Variants in PITPNC1 observed in about 807,000 individuals in gnomAD.
The protein encoded by PITPNC1 is cytoplasmic phosphatidylinositol transfer protein 1.
A neutral mutation model predicts 44.7 loss-of-function variants in PITPNC1; 18 were observed. The ratio of observed to expected loss-of-function variants is 0.40; its 90% CI spans 0.28 to 0.60. The LOEUF (loss-of-function observed/expected upper bound fraction) is 0.60. Among genes scored for constraint, PITPNC1 ranks in the 20% least tolerant of loss-of-function variants. PITPNC1 has a pLI of 0.39. For missense variants in PITPNC1, 290 were observed against 418.4 expected (o/e 0.69, Z 2.68); for synonymous variants, 141 against 149.6 (o/e 0.94, Z 0.42).
At chr17:67,543,565 A>AAT (rs2144148158) in intron 2 of PITPNC1, among the ~76,000 whole-genome samples, 1 of 152,200 alleles carries the variant, frequency 6.6e-6, no homozygotes, top group Non-Finnish European at 1.5e-5. Flanking sequence ...TCTAGTGACT[A>AAT]ATGTTGACCG....
intron 6 of PITPNC1, among the ~76,000 whole-genome samples, chr17:67,652,250 G>T (rs1001899542): frequency 1.3e-5 from 2 of 152,174 alleles, no homozygotes; most frequent in African/African-American, 4.8e-5. Context: ...TGCAAGCTCA[G>T]CCCCAGCTGG....
chr17:67,523,244 A>T (rs2040350842), intron 1 of PITPNC1, among the ~76,000 whole-genome samples: 1 of 152,200 alleles, frequency 6.6e-6, no homozygotes, highest in South Asian at 2.1e-4. Flanking sequence ...ACTACCGTCT[A>T]ATGAAATTTT....
chr17:67,605,725 T>C (rs2041599447), intron 5 of PITPNC1, among the ~76,000 whole-genome samples: 1 of 152,132 alleles, frequency 6.6e-6, no homozygotes, highest in Non-Finnish European at 1.5e-5. Flanking sequence ...GGAAAACTCT[T>C]CCAGTGCCAG....
chr17:67,519,287 C>T (rs975882252), intron 1 of PITPNC1, among the ~76,000 whole-genome samples: 2 of 151,122 alleles, frequency 1.3e-5, no homozygotes, highest in South Asian at 4.2e-4. Context: ...AGCAATTCTC[C>T]TCCTTCAGCC....
At chr17:67,656,134 C>T (rs116926801) in intron 6 of PITPNC1, among the ~76,000 whole-genome samples, 3,597 of 152,266 alleles carry the variant, frequency 0.024, 54 homozygotes, top group South Asian at 0.05. Context: ...CAGGTCACCA[C>T]CTGTTCAGAC....
intron 1 of PITPNC1, among the ~76,000 whole-genome samples, chr17:67,476,830 G>A (rs2144018797): frequency 6.6e-6 from 1 of 152,166 alleles, no homozygotes; most frequent in South Asian, 2.1e-4. Flanking sequence ...GTCCTGGGCT[G>A]TGATTCTAAC....
At chr17:67,481,917 A>G (rs186925177) in intron 1 of PITPNC1, among the ~76,000 whole-genome samples, 1 of 152,350 alleles carries the variant, frequency 6.6e-6, no homozygotes, top group Non-Finnish European at 1.5e-5. Flanking sequence ...CAGAGGAGCA[A>G]ATTGGCTAGG....
intron 6 of PITPNC1, among the ~76,000 whole-genome samples, chr17:67,659,857 A>G (rs1034180129): frequency 5.9e-5 from 9 of 152,106 alleles, no homozygotes; most frequent in Non-Finnish European, 1.3e-4. Flanking sequence ...CCATCACCAC[A>G]ATCTATGCCA....
chr17:67,609,737 C>T (rs1344195051), intron 5 of PITPNC1, among the ~76,000 whole-genome samples: 1 of 151,778 alleles, frequency 6.6e-6, no homozygotes, highest in Admixed American at 6.6e-5. Context: ...GTTGATGAAG[C>T]CCTCACGGGG....
chr17:67,402,641 TC>T (rs1180600780), intron 1 of PITPNC1, among the ~76,000 whole-genome samples: 14 of 152,288 alleles, frequency 9.2e-5, no homozygotes, highest in African/African-American at 3.1e-4. Context: ...TCCACTAGTT[TC>T]AAGTTTGACC....
intron 1 of PITPNC1, among the ~76,000 whole-genome samples, chr17:67,453,205 T>C (rs2053924553): frequency 6.6e-6 from 1 of 152,212 alleles, no homozygotes; most frequent in Admixed American, 6.5e-5. Context: ...TCAAATATTT[T>C]AGGTAACAGA....
At chr17:67,624,742 C>T (rs2041875585) in intron 5 of PITPNC1, among the ~76,000 whole-genome samples, 1 of 151,792 alleles carries the variant, frequency 6.6e-6, no homozygotes, top group Non-Finnish European at 1.5e-5. Context: ...AGGCTGGTCT[C>T]AAACTCCTGA....
At chr17:67,449,210 A>T (rs1160448236) in intron 1 of PITPNC1, among the ~76,000 whole-genome samples, 3 of 152,216 alleles carry the variant, frequency 2.0e-5, no homozygotes, top group Non-Finnish European at 4.4e-5. Context: ...ATTTTCTCTG[A>T]CTTTCTAAGG....
intron 1 of PITPNC1, among the ~76,000 whole-genome samples, chr17:67,415,477 G>A (rs759067281): frequency 5.3e-5 from 8 of 152,134 alleles, no homozygotes; most frequent in South Asian, 4.1e-4. Context: ...TTTAAAGTCC[G>A]CCTGGACTGA....
chr17:67,511,633 C>CT (rs2040185912), intron 1 of PITPNC1, among the ~76,000 whole-genome samples: 1 of 152,064 alleles, frequency 6.6e-6, no homozygotes. Flanking sequence ...TTCAGCCTCC[C>CT]GAGTAGCTGG....
intron 1 of PITPNC1, among the ~76,000 whole-genome samples, chr17:67,442,223 A>G (rs1398616275): frequency 5.1e-5 from 5 of 98,992 alleles, no homozygotes; most frequent in Non-Finnish European, 8.2e-5. Context: ...ATATATATAT[A>G]TATATATATA....
At chr17:67,420,649 C>T (rs1047879500) in intron 1 of PITPNC1, among the ~76,000 whole-genome samples, 7 of 152,186 alleles carry the variant, frequency 4.6e-5, no homozygotes, top group Middle Eastern at 6.8e-3. Flanking sequence ...CCAGGCTGGT[C>T]TTGAACTCCT....
chr17:67,550,482 T>A (rs897357936), intron 2 of PITPNC1, among the ~76,000 whole-genome samples: 1 of 129,136 alleles, frequency 7.7e-6, no homozygotes, highest in African/African-American at 2.5e-5. Flanking sequence ...GGGCTCTGAT[T>A]GTCATTTAGA....
At chr17:67,498,256 T>C (rs1402730687) in intron 1 of PITPNC1, among the ~76,000 whole-genome samples, 1 of 152,222 alleles carries the variant, frequency 6.6e-6, no homozygotes, top group Non-Finnish European at 1.5e-5. Context: ...TTTTGGGTTA[T>C]CTTTTTAATT....
Sources: allele counts gnomAD v4.1 joint callset (sites outside exome capture counted in the v4.1 genomes callset), GRCh38; gene constraint gnomAD v4.1.1; transcripts MANE v1.5; gene names NCBI Gene and HGNC (gene_info 2026-07-23, HGNC 2026-07-21).